The following PLXNA4 variants were observed in gnomAD, a reference collection of about 807,000 sequenced individuals.
PLXNA4 encodes plexin-A4.
A neutral mutation model predicts 191.8 loss-of-function variants in PLXNA4; 44 were observed. The observed-to-expected ratio is 0.23, with a 90% confidence interval of 0.18 to 0.29. The LOEUF (loss-of-function observed/expected upper bound fraction) is 0.29. Ranked by LOEUF, PLXNA4 falls within the 10% of genes least tolerant of loss-of-function variation. The pLI is 1.00. For synonymous variants in PLXNA4, 1,082 were observed against 1,009.5 expected, an observed-to-expected ratio of 1.07 and a Z score of -1.36; for missense variants, 1,800 against 2,488.8, an observed-to-expected ratio of 0.72 and a Z score of 5.89.
chr7:132,195,630 G>T (rs1298496382), intron 13 of PLXNA4, among the ~76,000 whole-genome samples: 2 of 151,954 alleles, frequency 1.3e-5, no homozygotes, highest in African/African-American at 4.8e-5. Flanking sequence ...AATATAATGG[G>T]GGAAAAAATC....
At chr7:132,258,502 C>T (rs1364149130) in intron 4 of PLXNA4, among the ~76,000 whole-genome samples, 1 of 152,238 alleles carries the variant, frequency 6.6e-6, no homozygotes, top group Non-Finnish European at 1.5e-5. Flanking sequence ...AAGTGAAAGT[C>T]CTGTGTTCTC....
At position 132,432,329 on chromosome 7, in the gene PLXNA4, T is replaced by C. The variant is rs142513019; in HGVS notation, c.1371+56963A>G. 4.6e-5 allele frequency among the ~76,000 whole-genome samples: 7 copies of C among 152,232 alleles called. No homozygotes were observed. The East Asian group carries it at 1.4e-3, about 29-fold the overall frequency. ...GAATGCCAGTCCAAGAAAGCAGGAA[T>C]GGGGATTTGAGAAAAAGAAGAAAAT... On this transcript the variant is annotated intron_variant, in intron 3 of 31. Transcript: ENST00000321063.
chr7:132,272,092 T>C (rs78210319), intron 4 of PLXNA4, among the ~76,000 whole-genome samples: 1,813 of 152,280 alleles, frequency 0.012, 30 homozygotes, highest in African/African-American at 0.041. Context: ...GTTTTTCTTC[T>C]GCATTTCTCA....
In PLXNA4 at chr7:132,168,523, G is replaced by T. The variant is rs376632126; in HGVS notation, c.4067C>A (p.Ala1356Asp). Residue 1356 changes from alanine to aspartate, a missense_variant, in exon 22 of 32, where the codon GCC becomes GAC. Coordinates refer to ENST00000321063, the MANE Select transcript of PLXNA4 (RefSeq NM_020911.2). Reference protein sequence around the residue: ...ERVEKGLKLFAQLINNKVFLL... With the variant: ...ERVEKGLKLFDQLINNKVFLL... ...GAACACCTTGTTGTTGATGAGCTGGGCGAAGAGCTTCAGGCCTTTCTCCAC... is the reference window on the plus strand; with the variant it reads ...GAACACCTTGTTGTTGATGAGCTGGTCGAAGAGCTTCAGGCCTTTCTCCAC... 23 of 1,610,978 alleles carry T rather than the reference G, an allele frequency of 1.4e-5. No homozygotes were observed. The highest frequency in any genetic ancestry group is 2.0e-5 in the Non-Finnish European group (23 of 1,178,214).
At chr7:132,506,737 G>A (rs926309837) in intron 2 of PLXNA4, among the ~76,000 whole-genome samples, 3 of 152,122 alleles carry the variant, frequency 2.0e-5, no homozygotes, top group Non-Finnish European at 2.9e-5. Flanking sequence ...CCAGCCATGC[G>A]AAGACCCCTA....
At chr7:132,586,357 T>TG (rs535051242) in intron 2 of PLXNA4, among the ~76,000 whole-genome samples, 56 of 152,360 alleles carry the variant, frequency 3.7e-4, no homozygotes, top group Admixed American at 7.2e-4. Context: ...TGCTGAATGT[T>TG]GGGCATTTTG....
At chr7:132,177,100 A>T (rs1562899729) in intron 20 of PLXNA4, among the ~76,000 whole-genome samples, 1 of 151,168 alleles carries the variant, frequency 6.6e-6, no homozygotes, top group Non-Finnish European at 1.5e-5. Flanking sequence ...TATGTCAGTG[A>T]GTGTATGTAT....
At chr7:132,484,745 C>T (rs1160182845) in intron 3 of PLXNA4, 3 of 1,589,848 alleles carry the variant, frequency 1.9e-6, no homozygotes, top group African/African-American at 2.7e-5. Flanking sequence ...ACACTTCCAT[C>T]CATCTGCAGG....
chr7:132,428,911 G>C (rs1032234874), intron 3 of PLXNA4, among the ~76,000 whole-genome samples: 5 of 152,196 alleles, frequency 3.3e-5, no homozygotes, highest in Non-Finnish European at 5.9e-5. Context: ...GGACCAATGT[G>C]AGGAAAAGAT....
chr7:132,419,580 T>G (rs1353343434), intron 3 of PLXNA4, among the ~76,000 whole-genome samples: 1 of 152,212 alleles, frequency 6.6e-6, no homozygotes, highest in Non-Finnish European at 1.5e-5. Flanking sequence ...AGTGATACAC[T>G]CTGATAGTTT....
intron 1 of PLXNA4, among the ~76,000 whole-genome samples, chr7:132,568,117 A>G (rs1357204592): frequency 6.6e-6 from 1 of 152,224 alleles, no homozygotes; most frequent in Non-Finnish European, 1.5e-5. Context: ...AGGACTAGCT[A>G]GAAGCAATGA....
At chr7:132,493,247 G>A (rs1234664223) in intron 2 of PLXNA4, among the ~76,000 whole-genome samples, 2 of 152,312 alleles carry the variant, frequency 1.3e-5, no homozygotes, top group Middle Eastern at 3.4e-3. Flanking sequence ...ACAGCCAGAG[G>A]AGCCAGGTCT....
At chr7:132,222,733 C>T (rs1798188856) in intron 9 of PLXNA4, among the ~76,000 whole-genome samples, 1 of 152,210 alleles carries the variant, frequency 6.6e-6, no homozygotes, top group African/African-American at 2.4e-5. Context: ...TCCTTGCCCA[C>T]ACTCTGACAT....
At chr7:132,316,363 T>C (rs1801944352) in intron 3 of PLXNA4, among the ~76,000 whole-genome samples, 1 of 152,204 alleles carries the variant, frequency 6.6e-6, no homozygotes. Flanking sequence ...GTTCTTAACA[T>C]AAACTCAATC....
intron 4 of PLXNA4, among the ~76,000 whole-genome samples, chr7:132,285,931 C>T (rs1238392875): frequency 6.6e-6 from 1 of 152,048 alleles, no homozygotes; most frequent in Non-Finnish European, 1.5e-5. Flanking sequence ...CACCCACCAC[C>T]CCCACCCACA....
In PLXNA4 at chr7:132,455,015, AT is replaced by A. The variant is rs147616278; in HGVS notation, c.1371+34276del. Among the ~76,000 whole-genome samples, 654 of 152,288 alleles carry A rather than the reference AT, an allele frequency of 4.3e-3. 8 individuals carry two copies. The highest frequency in any genetic ancestry group is 0.015 in the African/African-American group (604 of 41,572). ...TGGCCAAGAGAAGCAGGTTCTGTGT[AT>A]CCCTGCACTGGGTGGCAGCCTGAGG... On this transcript the variant is annotated intron_variant, in intron 3 of 31. Coordinates refer to ENST00000321063, the MANE Select transcript of PLXNA4 (RefSeq NM_020911.2).
At chr7:132,407,124 C>G (rs1794252786) in intron 3 of PLXNA4, among the ~76,000 whole-genome samples, 1 of 152,198 alleles carries the variant, frequency 6.6e-6, no homozygotes, top group Admixed American at 6.5e-5. Context: ...TATTGACGCT[C>G]TCATTTATTC....
intron 2 of PLXNA4, among the ~76,000 whole-genome samples, chr7:132,500,721 T>G (rs1798214483): frequency 6.6e-6 from 1 of 152,202 alleles, no homozygotes; most frequent in Non-Finnish European, 1.5e-5. Context: ...GATGTTTGAG[T>G]GTCCTATGAA....
chr7:132,451,099 T>C (rs1445140376), intron 3 of PLXNA4, among the ~76,000 whole-genome samples: 1 of 152,218 alleles, frequency 6.6e-6, no homozygotes. Context: ...ACTTGACTGC[T>C]ATGCCTTATG....
Sources: gnomAD v4.1 joint callset for allele counts (sites outside exome capture counted in the v4.1 genomes callset) on GRCh38, gnomAD v4.1.1 for gene constraint, MANE v1.5 for transcripts, NCBI Gene and HGNC (gene_info 2026-07-23, HGNC 2026-07-21) for gene names.